The following NTNG1 variants were observed in gnomAD, a reference collection of about 807,000 sequenced individuals.
NTNG1 encodes netrin G1, also known as netrin-G1.
NTNG1 carries 16 observed loss-of-function variants against 54.0 expected under a neutral mutation model. The observed-to-expected ratio is 0.30, with a 90% CI of 0.20 to 0.45. The LOEUF is 0.45. NTNG1 is among the 20% of genes least tolerant of loss of function. The pLI is 1.00. For synonymous variants in NTNG1, 255 were observed against 263.1 expected (o/e 0.97, Z 0.30); for missense variants, 530 against 678.7 (o/e 0.78, Z 2.43).
chr1:107,433,228 G>A (rs564886523), intron 6 of NTNG1, among the ~76,000 whole-genome samples: 53 of 152,256 alleles, frequency 3.5e-4, no homozygotes, highest in African/African-American at 1.2e-3. Context: ...ACAAAGGAGT[G>A]CATTCCTAGG....
chr1:107,262,432 A>C (rs1663417620), intron 2 of NTNG1, among the ~76,000 whole-genome samples: 1 of 152,194 alleles, frequency 6.6e-6, no homozygotes, highest in African/African-American at 2.4e-5. Context: ...TTATTGTTAT[A>C]AAACAGAATA....
chr1:107,278,566 C>T (rs114271999), intron 2 of NTNG1, among the ~76,000 whole-genome samples: 3,119 of 152,236 alleles, frequency 0.02, 105 homozygotes, highest in African/African-American at 0.068. Flanking sequence ...AATTTCACTG[C>T]CTAGAGGCAG....
intron 7 of NTNG1, among the ~76,000 whole-genome samples, chr1:107,464,302 AT>A (rs1402853380): frequency 1.3e-5 from 2 of 152,198 alleles, no homozygotes; most frequent in African/African-American, 4.8e-5. Context: ...AAGATGGATA[AT>A]CAGTCACATC....
intron 5 of NTNG1, among the ~76,000 whole-genome samples, chr1:107,422,353 G>A (rs1401626877): frequency 6.6e-6 from 1 of 151,924 alleles, no homozygotes; most frequent in African/African-American, 2.4e-5. Flanking sequence ...GAGAAAGGAA[G>A]GAAAAAGCAC....
intron 3 of NTNG1, among the ~76,000 whole-genome samples, chr1:107,351,234 A>G (rs190398055): frequency 6.6e-6 from 1 of 152,310 alleles, no homozygotes; most frequent in Non-Finnish European, 1.5e-5. Flanking sequence ...CTCACAATAA[A>G]GTCCATGACC....
chr1:107,315,103 C>T (rs1026778508), intron 2 of NTNG1, among the ~76,000 whole-genome samples: 1 of 152,212 alleles, frequency 6.6e-6, no homozygotes, highest in Non-Finnish European at 1.5e-5. Flanking sequence ...CAAACACCTA[C>T]TTGGTCACTC....
intron 2 of NTNG1, among the ~76,000 whole-genome samples, chr1:107,172,144 A>T (rs1656294483): frequency 6.6e-6 from 1 of 152,056 alleles, no homozygotes; most frequent in South Asian, 2.1e-4. Context: ...TAATCCTCAA[A>T]CAGTTGTATG....
intron 2 of NTNG1, among the ~76,000 whole-genome samples, chr1:107,239,231 A>G (rs1661643176): frequency 2.0e-5 from 3 of 152,204 alleles, no homozygotes; most frequent in African/African-American, 7.2e-5. Context: ...AAACAATTTG[A>G]ATGGCAGACA....
At chr1:107,148,876 A>G (rs1654341475) in intron 2 of NTNG1, 37 bp downstream of exon 2, 1 of 1,596,066 alleles carries the variant, frequency 6.3e-7, no homozygotes, top group Non-Finnish European at 8.6e-7. Context: ...TTTCATATAA[A>G]TAGGGTCTAA....
At chr1:107,187,896 A>G (rs1044976864) in intron 2 of NTNG1, among the ~76,000 whole-genome samples, 30 of 152,160 alleles carry the variant, frequency 2.0e-4, no homozygotes, top group African/African-American at 7.2e-4. Flanking sequence ...AAAAGCCATT[A>G]ATATTTTACA....
At chr1:107,172,924 G>T (rs4915021) in intron 2 of NTNG1, among the ~76,000 whole-genome samples, 1 of 152,036 alleles carries the variant, frequency 6.6e-6, no homozygotes, top group Non-Finnish European at 1.5e-5. Flanking sequence ...TCCTTCTGCA[G>T]TCTATGTGCT....
intron 2 of NTNG1, among the ~76,000 whole-genome samples, chr1:107,241,445 G>C (rs1661821075): frequency 1.3e-5 from 2 of 152,176 alleles, no homozygotes; most frequent in Non-Finnish European, 2.9e-5. Context: ...TTAATGTTCT[G>C]TATAATGTCC....
At chr1:107,368,980 A>T (rs1670756967) in intron 3 of NTNG1, among the ~76,000 whole-genome samples, 1 of 152,190 alleles carries the variant, frequency 6.6e-6, no homozygotes, top group Admixed American at 6.5e-5. Flanking sequence ...CCCCAGATCA[A>T]CTTTGGTTTT....
intron 2 of NTNG1, among the ~76,000 whole-genome samples, chr1:107,269,966 T>C (rs1437404591): frequency 6.6e-6 from 1 of 152,258 alleles, no homozygotes; most frequent in Non-Finnish European, 1.5e-5. Flanking sequence ...CAGTAATTTC[T>C]ATTTATGTTC....
chr1:107,443,581 C>T (rs917068325), intron 7 of NTNG1, among the ~76,000 whole-genome samples: 12 of 152,052 alleles, frequency 7.9e-5, no homozygotes, highest in African/African-American at 4.8e-5. Flanking sequence ...TCCTATTTGT[C>T]GTGTTACATT....
rs576140125 is a variant in NTNG1, at chr1:107,483,610, G to C, written c.*2770G>C. 4.1e-4 allele frequency among the ~76,000 whole-genome samples: 63 copies of C among 152,262 alleles called. 1 individual carries two copies. The highest frequency in any genetic ancestry group is 1.4e-3 in the African/African-American group (60 of 41,568). Reference sequence around the variant, plus strand: ...CAAAGCTGGTTTCATCTACAATGTTGTGCCCTAAGAACAGGACTGGGGTGA... The same window carrying C: ...CAAAGCTGGTTTCATCTACAATGTTCTGCCCTAAGAACAGGACTGGGGTGA... On this transcript the variant is annotated 3_prime_UTR_variant, in exon 8 of 8. Transcript: ENST00000370068.
intron 2 of NTNG1, among the ~76,000 whole-genome samples, chr1:107,176,059 G>A (rs578172347): frequency 9.8e-4 from 149 of 152,194 alleles, no homozygotes; most frequent in Admixed American, 3.7e-3. Context: ...GTAAGACAAG[G>A]TTCCTACCTT....
intron 2 of NTNG1, among the ~76,000 whole-genome samples, chr1:107,182,628 C>A (rs1009908282): frequency 6.6e-6 from 1 of 152,096 alleles, no homozygotes; most frequent in South Asian, 2.1e-4. Context: ...TTCCTTGGCA[C>A]AGACTCTGTA....
At chr1:107,436,395 G>A (rs1257353843) in intron 6 of NTNG1, among the ~76,000 whole-genome samples, 1 of 152,048 alleles carries the variant, frequency 6.6e-6, no homozygotes, top group African/African-American at 2.4e-5. Flanking sequence ...CTAACAAATG[G>A]AATCTCCATT....
Sources: gnomAD v4.1 joint callset for allele counts (sites outside exome capture counted in the v4.1 genomes callset) on GRCh38, gnomAD v4.1.1 for gene constraint, MANE v1.5 for transcripts, NCBI Gene and HGNC (gene_info 2026-07-23, HGNC 2026-07-21) for gene names.